The following ATG4A variants were observed in gnomAD, a reference collection of about 807,000 sequenced individuals.
The protein encoded by ATG4A is cysteine protease ATG4A.
A neutral mutation model predicts 38.4 loss-of-function variants in ATG4A; 22 were observed. That is an observed-to-expected ratio of 0.57 (90% CI 0.41 to 0.82). The LOEUF (loss-of-function observed/expected upper bound fraction) is 0.82, where lower values mean the gene tolerates loss of function less well. Among genes scored for constraint, ATG4A ranks in the 40% least tolerant of loss-of-function variants. The probability of loss-of-function intolerance (pLI) is 0.00; values close to 1 mark genes in which losing one functional copy is unlikely to be tolerated. For missense variants in ATG4A, 220 were observed against 290.0 expected (o/e 0.76, Z 1.75); for synonymous variants, 86 against 100.7 (o/e 0.85, Z 0.88).
Position 108,128,779 on chromosome X carries a change from A to G in ATG4A, c.122-2A>G. 1 of 1,159,550 alleles carries G rather than the reference A, an allele frequency of 8.6e-7. No homozygotes were observed. The highest frequency in any genetic ancestry group is 1.2e-6 in the Non-Finnish European group (1 of 865,663). On this transcript the variant is annotated splice_acceptor_variant, in intron 2 of 12. Transcript: ENST00000372232. LOFTEE classifies it high-confidence loss of function. ...TAATTTTAATTTTACATTTAATTAC[A>G]GAAAAATCTAAGCTGTTGTCTGATA... is the stretch of plus-strand genomic sequence containing the variant.
chrX:108,137,777 T>C (rs1337417925), intron 7 of ATG4A, 27 bp from the exon 8 acceptor site: 2 of 1,132,993 alleles, frequency 1.8e-6, no homozygotes, highest in South Asian at 4.4e-5. Context: ...TCCTTACTTA[T>C]CCAATATTCT....
chrX:108,137,836 G>C lies in ATG4A; in HGVS notation c.580G>C (p.Asp194His). The C allele has an allele frequency of 8.5e-7, 1 of 1,179,475 alleles. No homozygotes were observed. The highest frequency in any genetic ancestry group is 1.1e-6 in the Non-Finnish European group (1 of 882,798). ...GTGCCGTGTCCTTCCCTTGAGTGCT[G>C]ACACAGCTGGTGACAGGCCTCCCGA... is the stretch of plus-strand genomic sequence containing the variant. ...KMCRVLPLSA[D>H]TAGDRPPDSL... is the part of the protein sequence containing the mutation. The change falls in exon 8 of 13, where the codon GAC becomes CAC. Residue 194 changes from aspartate (D) to histidine (H), a missense_variant. Physicochemically the swap from Asp to His is moderately conservative, Grantham distance 81. Coordinates refer to ENST00000372232, the MANE Select transcript of ATG4A (RefSeq NM_052936.5).
chrX:108,131,756 G>C (rs2032961918), intron 4 of ATG4A, among the ~76,000 whole-genome samples: 1 of 112,245 alleles, frequency 8.9e-6, no homozygotes, highest in Non-Finnish European at 1.9e-5. Flanking sequence ...AAGGATGTAA[G>C]TGACCTAAAG....
intron 3 of ATG4A, among the ~76,000 whole-genome samples, chrX:108,131,014 T>A (rs1252045314): frequency 9.0e-6 from 1 of 111,712 alleles, no homozygotes; most frequent in Non-Finnish European, 1.9e-5. Flanking sequence ...GCAGAAAACA[T>A]AAGGGACACA....
chrX:108,113,777 A>G (rs2032432648), intron 1 of ATG4A, among the ~76,000 whole-genome samples: 1 of 111,560 alleles, frequency 9.0e-6, no homozygotes, highest in African/African-American at 3.3e-5. Flanking sequence ...AGACTTATTC[A>G]CTATCACGAG....
intron 1 of ATG4A, among the ~76,000 whole-genome samples, chrX:108,099,849 T>C (rs1015358857): frequency 3.6e-5 from 4 of 111,997 alleles, no homozygotes; most frequent in African/African-American, 6.5e-5. Flanking sequence ...CCCTCTGCCA[T>C]ACCACACAGT....
At chrX:108,094,116 G>A in intron 1 of ATG4A, among the ~76,000 whole-genome samples, 1 of 111,239 alleles carries the variant, frequency 9.0e-6, no homozygotes, top group South Asian at 3.7e-4. Flanking sequence ...CATTCTTTTG[G>A]TGTTGTACTT....
At chrX:108,105,905 G>C (rs1023436371) in intron 1 of ATG4A, among the ~76,000 whole-genome samples, 16 of 111,533 alleles carry the variant, frequency 1.4e-4, no homozygotes, top group Non-Finnish European at 2.4e-4. Flanking sequence ...TGCAGATAAG[G>C]TGAGATTGCC....
Position 108,107,000 on chromosome X carries a change from C to T in ATG4A, c.10+15164C>T, listed in dbSNP as rs558074745. On this transcript the variant is annotated intron_variant, in intron 1 of 12. Transcript: ENST00000372232. ...TTCCACATGTATACACATATCAAAA[C>T]ATCATGTTGTATACCATAGATATAT... Among the ~76,000 whole-genome samples the T allele has an allele frequency of 1.6e-4, 18 of 111,421 alleles. No individual in the cohort carries two copies. In the South Asian group the frequency reaches 6.8e-3, roughly 42 times the overall value.
In ATG4A at chrX:108,137,104, T is replaced by C; in HGVS notation, c.481T>C (p.Phe161Leu). The change falls in exon 7 of 13, where the codon TTT becomes CTT. Residue 161 changes from phenylalanine (F) to leucine (L), a missense_variant. Phe to Leu is a conservative substitution (Grantham distance 22). This residue lies in a region of ATG4A where 159 missense variants were observed against 188.9 expected (regional missense o/e 0.84). Transcript: ENST00000372232. Reference sequence around the variant, plus strand: ...ATTGCTTTGCAGAAAACTTGCTTTATTTGACGAATGGAATTCCTTGGCTGT... The same window carrying C: ...ATTGCTTTGCAGAAAACTTGCTTTACTTGACGAATGGAATTCCTTGGCTGT... ...VAQVLKKLAL[F>L]DEWNSLAVYV... 2 of 1,206,805 alleles carry C rather than the reference T, an allele frequency of 1.7e-6. No individual in the cohort carries two copies. The highest frequency in any genetic ancestry group is 2.2e-6 in the Non-Finnish European group (2 of 892,174).
Position 108,123,856 on chromosome X carries a change from T to C in ATG4A, c.11-2221T>C, listed in dbSNP as rs1010828117. On this transcript the variant is annotated intron_variant, in intron 1 of 12. Transcript: ENST00000372232. ...TGACTCACTGAGACAGGGTTGGCAA[T>C]AGAGAAATGGTATTTCTTTGGCCAG... Among the ~76,000 whole-genome samples the C allele has an allele frequency of 2.7e-5, 3 of 111,553 alleles. No individual in the cohort carries two copies. In the Admixed American group the frequency reaches 2.9e-4, roughly 11 times the overall value.
intron 1 of ATG4A, among the ~76,000 whole-genome samples, chrX:108,110,444 T>A (rs1176815372): frequency 9.0e-6 from 1 of 111,038 alleles, no homozygotes; most frequent in African/African-American, 3.3e-5. Flanking sequence ...TTTATCATTT[T>A]TTTTCTGTTG....
chrX:108,139,166 C>T (rs938172885), intron 9 of ATG4A, among the ~76,000 whole-genome samples: 2 of 111,432 alleles, frequency 1.8e-5, no homozygotes, highest in African/African-American at 6.5e-5. Flanking sequence ...TAGTTATCCT[C>T]CCCAACACAT....
chrX:108,126,225 G>A (rs143574354), intron 2 of ATG4A, 38 bp downstream of exon 2: 2 of 1,016,490 alleles, frequency 2.0e-6, no homozygotes, highest in African/African-American at 1.9e-5. Flanking sequence ...GAACCCAGAT[G>A]AGGTAGGCAC....
Position 108,152,989 on chromosome X carries a change from A to G in ATG4A, c.1028A>G (p.Lys343Arg). The G allele has an allele frequency of 1.7e-6, 2 of 1,200,063 alleles. No homozygotes were observed. The highest frequency in any genetic ancestry group is 3.5e-5 in the African/African-American group (2 of 57,634). ...TTGTCATCTCCCCAGGAAATTCTAA[A>G]GGAGAATTTAAGGATGTTTGAATTA... ...WCSLVQKEIL[K>R]ENLRMFELVQ... Residue 343 changes from lysine (K) to arginine (R), a missense_variant, in exon 12 of 13, where the codon AAG becomes AGG. Around this residue, in one of 3 missense-constraint regions of ATG4A, gnomAD observed 159 missense variants for 188.9 expected, o/e 0.84. Transcript: ENST00000372232.
chrX:108,099,381 G>A (rs1467652396), intron 1 of ATG4A, among the ~76,000 whole-genome samples: 1 of 111,018 alleles, frequency 9.0e-6, no homozygotes, highest in Non-Finnish European at 1.9e-5. Flanking sequence ...AGTGCTTTAT[G>A]TATTCTAGAT....
At chrX:108,136,788 A>C (rs1289871683) in intron 6 of ATG4A, among the ~76,000 whole-genome samples, 1 of 112,440 alleles carries the variant, frequency 8.9e-6, no homozygotes, top group Non-Finnish European at 1.9e-5. Flanking sequence ...TTGAGAGCAG[A>C]TGCATGGGTA....
At chrX:108,091,010 C>G (rs1490023901), upstream of ATG4A, among the ~76,000 whole-genome samples, 1 of 113,208 alleles carries the variant, frequency 8.8e-6, no homozygotes, top group African/African-American at 3.2e-5. Flanking sequence ...TCTTCCACTC[C>G]ACCGTATCCC....
intron 1 of ATG4A, among the ~76,000 whole-genome samples, chrX:108,116,735 TG>T (rs1438459005): frequency 1.3e-4 from 15 of 111,656 alleles, no homozygotes; most frequent in Non-Finnish European, 1.1e-4. Flanking sequence ...CAGCATCTCC[TG>T]GCTCCACCTT....
Sources: gnomAD v4.1 joint callset for allele counts (sites outside exome capture counted in the v4.1 genomes callset) on GRCh38, gnomAD v4.1.1 for gene constraint, gnomAD v4.1.1 regional missense constraint, MANE v1.5 for transcripts, NCBI Gene and HGNC (gene_info 2026-07-23, HGNC 2026-07-21) for gene names.